AREL1: variants seen among roughly 807,000 people sequenced by gnomAD.
AREL1 encodes the protein apoptosis-resistant E3 ubiquitin protein ligase 1.
A neutral mutation model predicts 99.0 loss-of-function variants in AREL1; 62 were observed. That is an observed-to-expected ratio of 0.63 (90% CI 0.51 to 0.77). AREL1 has a LOEUF of 0.77. AREL1 is among the 30% of genes least tolerant of loss of function. The pLI is 0.00. For missense variants in AREL1, 879 were observed against 1,027.6 expected, an observed-to-expected ratio of 0.86 and a Z score of 1.98; for synonymous variants, 380 against 376.5, an observed-to-expected ratio of 1.01 and a Z score of -0.11.
chr14:74,679,341 AG>A (rs1299450128), intron 5 of AREL1, among the ~76,000 whole-genome samples: 1 of 151,802 alleles, frequency 6.6e-6, no homozygotes, highest in Non-Finnish European at 1.5e-5. Context: ...AGATCACCTA[AG>A]CCGGGAGAGG....
rs1412050142 is a variant in AREL1 at position 74,692,111 on chromosome 14, C to T, written c.-116G>A. On this transcript the variant is annotated 5_prime_UTR_variant, in exon 2 of 20. Transcript: ENST00000356357. ...ATTCACCAAAGCAGGTAACTTTTGG[C>T]CCCTTTCACCTTGTCTTCCAACTTC... 4 of 434,438 alleles carry T rather than the reference C, an allele frequency of 9.2e-6. No homozygotes were observed. Among genetic ancestry groups the T allele is most frequent in the Non-Finnish European group, 1.8e-5 (4 of 221,722 alleles). 26.9% of individuals were successfully genotyped at this position (434,438 alleles called of 1,614,324 possible).
intron 2 of AREL1, among the ~76,000 whole-genome samples, chr14:74,690,514 G>C (rs1022332799): frequency 6.6e-6 from 1 of 152,094 alleles, no homozygotes; most frequent in African/African-American, 2.4e-5. Flanking sequence ...TCAACAAGCA[G>C]GTATCAAATG....
At chr14:74,695,848 T>C (rs2089971218) in intron 1 of AREL1, among the ~76,000 whole-genome samples, 1 of 152,204 alleles carries the variant, frequency 6.6e-6, no homozygotes, top group Non-Finnish European at 1.5e-5. Context: ...GAGTCCTATG[T>C]ATGCTGAAGT....
At position 74,669,759 on chromosome 14, in the gene AREL1, C is replaced by A; in HGVS notation, c.1804G>T (p.Asp602Tyr). The change falls in exon 15 of 20, where the codon GAC becomes TAC. Residue 602 changes from aspartate (D) to tyrosine (Y), a missense_variant. Asp to Tyr is a radical substitution (Grantham distance 160). Coordinates refer to ENST00000356357, the MANE Select transcript of AREL1 (RefSeq NM_001039479.2). ...ACTTTAGATTTGTAGAATTCTGGGT[C>A]ATCTGTTTCAAAGTACTGAGGAGGC... ...RMHYKYFETDDPEFYKSKVCF... is the reference protein window; with the variant it reads ...RMHYKYFETDYPEFYKSKVCF... 4.3e-6 allele frequency: 7 copies of A among 1,614,136 alleles called. No individual in the cohort carries two copies. The highest frequency in any genetic ancestry group is 5.1e-6 in the Non-Finnish European group (6 of 1,180,014).
intron 1 of AREL1, among the ~76,000 whole-genome samples, chr14:74,699,263 C>T (rs1384087460): frequency 6.6e-6 from 1 of 151,980 alleles, no homozygotes; most frequent in African/African-American, 2.4e-5. Context: ...TCTCTGGATA[C>T]TTGGATTTCC....
chr14:74,669,603 G>A (rs1273667324), intron 15 of AREL1, 46 bp downstream of exon 15: 1 of 1,598,562 alleles, frequency 6.3e-7, no homozygotes, highest in Admixed American at 1.7e-5. Flanking sequence ...CTGCTCTACA[G>A]GAAACTGGAG....
chr14:74,669,616 C>G (rs1415016435), intron 15 of AREL1, 33 bp downstream of exon 15: 1 of 1,608,838 alleles, frequency 6.2e-7, no homozygotes, highest in African/African-American at 1.3e-5. Context: ...AACTGGAGAA[C>G]ATAGGACCCA....
chr14:74,693,465 C>G (rs1047920690), intron 1 of AREL1, among the ~76,000 whole-genome samples: 1 of 152,094 alleles, frequency 6.6e-6, no homozygotes, highest in South Asian at 2.1e-4. Flanking sequence ...AATGCATACA[C>G]AAACAGCCAC....
At chr14:74,706,981 G>T (rs1395957327) in intron 1 of AREL1, among the ~76,000 whole-genome samples, 1 of 152,182 alleles carries the variant, frequency 6.6e-6, no homozygotes, top group Non-Finnish European at 1.5e-5. Context: ...CAGGGTCAAT[G>T]ACTCTCTTCA....
chr14:74,674,145 GA>G lies in AREL1; in HGVS notation c.1081-35del, dbSNP rs781545144. 2.6e-6 allele frequency: 4 copies of G among 1,561,684 alleles called. No individual in the cohort carries two copies. The East Asian group carries it at 9.0e-5, about 35-fold the overall frequency. On this transcript the variant is annotated intron_variant, in intron 8 of 19. Coordinates refer to ENST00000356357, the MANE Select transcript of AREL1 (RefSeq NM_001039479.2). The stretch of plus-strand genomic sequence containing the variant: ...CCAACAGACAGGAAATGAAGTGAAT[GA>G]TAAATAAAAAGGCTCTATTTGGGTA...
intron 1 of AREL1, among the ~76,000 whole-genome samples, chr14:74,706,660 G>A (rs966003279): frequency 3.3e-5 from 5 of 152,132 alleles, no homozygotes; most frequent in Admixed American, 6.5e-5. Context: ...ATTAAGAAGC[G>A]ACCACATGCC....
rs1555360108 is a variant in AREL1, at chr14:74,692,251, T to C, written c.-256A>G. 2.2e-6 allele frequency: 1 copy of C among 456,294 alleles called. No homozygotes were observed. Among genetic ancestry groups the C allele is most frequent in the Non-Finnish European group, 4.4e-6 (1 of 226,920 alleles). 28.3% of individuals were successfully genotyped at this position (456,294 alleles called of 1,614,324 possible). ...CTGGATGAACTCCAGGGTAGAGAAATACAGCCCAAGAATATATCATTCCTG... is the reference window on the plus strand; with the variant it reads ...CTGGATGAACTCCAGGGTAGAGAAACACAGCCCAAGAATATATCATTCCTG... On this transcript the variant is annotated 5_prime_UTR_variant, in exon 2 of 20. Coordinates refer to ENST00000356357, the MANE Select transcript of AREL1 (RefSeq NM_001039479.2).
chr14:74,684,406 A>G (rs2089700858), intron 4 of AREL1, 48 bp downstream of exon 4: 1 of 1,565,538 alleles, frequency 6.4e-7, no homozygotes, highest in African/African-American at 1.4e-5. Context: ...CTGGAAAGCA[A>G]GTTACTCAGA....
chr14:74,695,232 A>T (rs1397944717), intron 1 of AREL1, among the ~76,000 whole-genome samples: 2 of 151,628 alleles, frequency 1.3e-5, no homozygotes, highest in Non-Finnish European at 2.9e-5. Context: ...GGTGCGTACT[A>T]CTATGCCCAG....
Position 74,672,971 on chromosome 14 carries a change from C to A in AREL1, c.1301-19G>T, listed in dbSNP as rs1013423508. 18 of 1,614,024 alleles carry A rather than the reference C, an allele frequency of 1.1e-5. No individual in the cohort carries two copies. The African/African-American group carries it at 2.4e-4, about 22-fold the overall frequency. On this transcript the variant is annotated intron_variant, in intron 10 of 19. Transcript: ENST00000356357. ...GAGCCTCCTGGGGAACAGCAAGATCCATCATTACAGCCTCATTACAAGCCA... is the reference window on the plus strand; with the variant it reads ...GAGCCTCCTGGGGAACAGCAAGATCAATCATTACAGCCTCATTACAAGCCA...
At chr14:74,664,404 A>G (rs942519810) in intron 18 of AREL1, among the ~76,000 whole-genome samples, 1 of 147,940 alleles carries the variant, frequency 6.8e-6, no homozygotes, top group Non-Finnish European at 1.5e-5. Flanking sequence ...CCCAGAAAAC[A>G]TATCAACTGC....
chr14:74,676,706 A>G lies in AREL1; in HGVS notation c.528T>C (p.Thr176=), dbSNP rs1233173344. ...SKTKIVCHFS[T]LVLTCGQPHT... is the part of the protein sequence containing the mutation. Reference sequence around the variant, plus strand: ...GCGGCTGCCCACAGGTCAATACAAGAGTAGAAAAGTGGCACACAATTTTGG... The same window carrying G: ...GCGGCTGCCCACAGGTCAATACAAGGGTAGAAAAGTGGCACACAATTTTGG... Residue 176 remains threonine (T), a synonymous_variant, in exon 6 of 20, where the codon ACT becomes ACC. Transcript: ENST00000356357. 1 of 1,612,860 alleles carries G rather than the reference A, an allele frequency of 6.2e-7. No homozygotes were observed. The highest frequency in any genetic ancestry group is 1.7e-5 in the Admixed American group (1 of 59,880).
intron 11 of AREL1, among the ~76,000 whole-genome samples, chr14:74,672,395 T>C (rs1566681965): frequency 6.6e-6 from 1 of 152,220 alleles, no homozygotes; most frequent in Non-Finnish European, 1.5e-5. Context: ...CTGTCTTTTA[T>C]AAGTATATCT....
intron 1 of AREL1, among the ~76,000 whole-genome samples, chr14:74,702,348 T>C (rs2090101740): frequency 6.6e-6 from 1 of 152,344 alleles, no homozygotes; most frequent in Non-Finnish European, 1.5e-5. Context: ...CCTCAGTTCT[T>C]GACTTCTGTG....
Sources: allele counts gnomAD v4.1 joint callset (sites outside exome capture counted in the v4.1 genomes callset), GRCh38; gene constraint gnomAD v4.1.1; transcripts MANE v1.5; gene names NCBI Gene and HGNC (gene_info 2026-07-23, HGNC 2026-07-21).